Variants in POLA2 observed in about 807,000 individuals in gnomAD.
The protein encoded by POLA2 is DNA polymerase alpha subunit B.
In POLA2, 47 loss-of-function variants were observed where a neutral mutation model predicts 82.8. The observed-to-expected ratio is 0.57, with a 90% CI of 0.45 to 0.72. The LOEUF (loss-of-function observed/expected upper bound fraction) is 0.72. Ranked by LOEUF, POLA2 falls within the 30% of genes least tolerant of loss-of-function variation. The pLI is 0.00. For missense variants in POLA2, 634 were observed against 728.1 expected (o/e 0.87, Z 1.49); for synonymous variants, 287 against 286.8 (o/e 1.00, Z -0.01).
downstream of POLA2, among the ~76,000 whole-genome samples, chr11:65,300,878 G>A (rs1020325331): frequency 6.6e-6 from 1 of 152,212 alleles, no homozygotes; most frequent in Non-Finnish European, 1.5e-5. Context: ...CACTGCACCC[G>A]GCCTGTCAGG....
intron 11 of POLA2, 136 bp from the exon 12 acceptor site, chr11:65,288,914 C>T: frequency 1.3e-6 from 1 of 781,674 alleles, no homozygotes; most frequent in South Asian, 1.8e-5. Flanking sequence ...TGCTAACTGT[C>T]CCCAGGCTCT....
chr11:65,290,985 A>C (rs556066473), intron 13 of POLA2, among the ~76,000 whole-genome samples: 1 of 152,328 alleles, frequency 6.6e-6, no homozygotes, highest in East Asian at 1.9e-4. Context: ...AAACGGAAGG[A>C]ACTGTGAGAG....
chr11:65,262,473 C>G (rs1949410195), intron 1 of POLA2, 102 bp downstream of exon 1: 1 of 916,228 alleles, frequency 1.1e-6, no homozygotes, highest in Non-Finnish European at 1.7e-6. Flanking sequence ...TTTCCACTTC[C>G]CCTGGAGCAG....
chr11:65,271,707 G>GTGGT (rs1302251795), intron 4 of POLA2, among the ~76,000 whole-genome samples: 1 of 151,884 alleles, frequency 6.6e-6, no homozygotes, highest in Non-Finnish European at 1.5e-5. Flanking sequence ...GGGCATGGTG[G>GTGGT]TGGTGCCTAT....
chr11:65,268,477 G>A (rs1160987650), intron 3 of POLA2, among the ~76,000 whole-genome samples, 195 bp from the exon 4 acceptor site: 2 of 150,764 alleles, frequency 1.3e-5, no homozygotes, highest in Non-Finnish European at 3.0e-5. Flanking sequence ...TCAGCCTCCC[G>A]AGTAGCTGGG....
intron 8 of POLA2, among the ~76,000 whole-genome samples, chr11:65,304,538 A>G (rs73484993): frequency 0.022 from 3,307 of 152,250 alleles, 129 homozygotes; most frequent in African/African-American, 0.075. Flanking sequence ...GAAAATGGAC[A>G]TGAACCAAAT....
At chr11:65,295,161 C>T (rs1016946540) in intron 15 of POLA2, among the ~76,000 whole-genome samples, 3 of 152,204 alleles carry the variant, frequency 2.0e-5, no homozygotes, top group Admixed American at 1.3e-4. Flanking sequence ...TGAAGCGACT[C>T]GCGTGTGAAG....
At chr11:65,301,768 A>G (rs1470870491), downstream of POLA2, among the ~76,000 whole-genome samples, 1 of 152,208 alleles carries the variant, frequency 6.6e-6, no homozygotes, top group African/African-American at 2.4e-5. Flanking sequence ...TAAAGAGACC[A>G]GAAGACACCC....
At chr11:65,265,098 G>A (rs1420313174) in intron 1 of POLA2, among the ~76,000 whole-genome samples, 2 of 152,138 alleles carry the variant, frequency 1.3e-5, no homozygotes, top group South Asian at 2.1e-4. Flanking sequence ...GCATGGTGGC[G>A]CATGCCTGTA....
chr11:65,273,692 C>T (rs1260087434), intron 4 of POLA2, among the ~76,000 whole-genome samples: 1 of 151,886 alleles, frequency 6.6e-6, no homozygotes, highest in Non-Finnish European at 1.5e-5. Flanking sequence ...CAGGGTGTCA[C>T]TATGTTGCTC....
Position 65,304,746 on chromosome 11 carries a change from G to A in POLA2, c.657-627G>A, listed in dbSNP as rs3741387. On this transcript the variant is annotated intron_variant, in intron 8 of 8. Transcript: ENST00000525924. The stretch of plus-strand genomic sequence containing the variant: ...GGAGCATGTGCAGGGACCTAGCCCT[G>A]GAGGCTGGGCACCGCCGACAGCTGA... 1.5e-3 allele frequency among the ~76,000 whole-genome samples: 225 copies of A among 152,298 alleles called. 2 individuals carry two copies. The East Asian group carries it at 0.022, about 15-fold the overall frequency.
chr11:65,288,425 CTAT>C (rs1442232867), intron 11 of POLA2, among the ~76,000 whole-genome samples: 4 of 151,626 alleles, frequency 2.6e-5, no homozygotes, highest in Non-Finnish European at 5.9e-5. Flanking sequence ...GCTCAAAATA[CTAT>C]TATTAGTATG....
At chr11:65,287,006 C>G (rs965747186) in intron 10 of POLA2, among the ~76,000 whole-genome samples, 7 of 152,148 alleles carry the variant, frequency 4.6e-5, no homozygotes, top group African/African-American at 1.7e-4. Flanking sequence ...AATCTTTTTT[C>G]TCTCCTTGGA....
At chr11:65,285,181 G>A (rs149454041) in intron 10 of POLA2, among the ~76,000 whole-genome samples, 7 of 152,006 alleles carry the variant, frequency 4.6e-5, no homozygotes, top group African/African-American at 1.4e-4. Flanking sequence ...CGAGGTGGGC[G>A]GATCACACGG....
At chr11:65,267,334 T>C in intron 2 of POLA2, 143 bp from the exon 3 acceptor site, 1 of 565,878 alleles carries the variant, frequency 1.8e-6, no homozygotes, top group Non-Finnish European at 3.1e-6. Flanking sequence ...TCTTTGTTTT[T>C]AGTCTGTGTG....
At chr11:65,286,410 TTC>T (rs1949697698) in intron 10 of POLA2, among the ~76,000 whole-genome samples, 1 of 151,968 alleles carries the variant, frequency 6.6e-6, no homozygotes, top group East Asian at 1.9e-4. Flanking sequence ...GCTTTTTTTT[TTC>T]TTTTTTTTTG....
In POLA2 at chr11:65,277,179, C is replaced by CT. The variant is rs533891221; in HGVS notation, c.461+1197dup. Among the ~76,000 whole-genome samples, 185 of 124,386 alleles carry CT rather than the reference C, an allele frequency of 1.5e-3. 1 individual carries two copies. The Middle Eastern group carries it at 0.018, about 12-fold the overall frequency. The allele number at this position is 124,386 out of a possible 152,430, so 81.6% of individuals were successfully genotyped here. On this transcript the variant is annotated intron_variant, in intron 5 of 17. Transcript: ENST00000265465. ...ATTGGATTTTTTTTTTCTTTTCTTT[C>CT]TTTTTTTTTTTTTTTTAAGATAGGC...
intron 14 of POLA2, 22 bp downstream of exon 14, chr11:65,294,283 C>G: frequency 1.9e-6 from 3 of 1,579,246 alleles, no homozygotes; most frequent in Non-Finnish European, 2.6e-6. Flanking sequence ...CACTCCTTGA[C>G]CAGCAGGCAG....
rs137934193 is a variant in POLA2, at chr11:65,294,767, G to A, written c.1460+115G>A. On this transcript the variant is annotated intron_variant, in intron 15 of 17. Transcript: ENST00000265465. ...CGGTCTTGACCAGAGAGAGCTGAAA[G>A]CAGCAAGCTGTGCCAGACCCTCTAG... 7.0e-5 allele frequency: 49 copies of A among 696,046 alleles called. No individual in the cohort carries two copies. In the African/African-American group the frequency reaches 7.3e-4, roughly 10 times the overall value. The allele number at this position is 696,046 out of a possible 1,614,324, so 43.1% of individuals were successfully genotyped here.
Sources: allele counts gnomAD v4.1 joint callset (sites outside exome capture counted in the v4.1 genomes callset), GRCh38; gene constraint gnomAD v4.1.1; transcripts MANE v1.5; gene names NCBI Gene and HGNC (gene_info 2026-07-23, HGNC 2026-07-21).